TOX: variants seen among roughly 807,000 people sequenced by gnomAD.
The protein encoded by TOX is thymocyte selection-associated high mobility group box protein TOX.
A neutral mutation model predicts 53.7 loss-of-function variants in TOX; 11 were observed. That is an observed-to-expected ratio of 0.20 (90% CI 0.13 to 0.34). TOX has a LOEUF of 0.34. Ranked by LOEUF, TOX falls within the 10% of genes least tolerant of loss-of-function variation. The pLI is 1.00. For synonymous variants in TOX, 225 were observed against 245.3 expected, an observed-to-expected ratio of 0.92 and a Z score of 0.77; for missense variants, 570 against 664.6, an observed-to-expected ratio of 0.86 and a Z score of 1.56.
At chr8:59,069,961 C>G (rs899135240) in intron 1 of TOX, among the ~76,000 whole-genome samples, 2 of 152,154 alleles carry the variant, frequency 1.3e-5, no homozygotes, top group Non-Finnish European at 2.9e-5. Context: ...GTACCCTGAC[C>G]TGTATAGCGC....
At chr8:59,010,929 C>T (rs1813893809) in intron 1 of TOX, among the ~76,000 whole-genome samples, 2 of 152,200 alleles carry the variant, frequency 1.3e-5, no homozygotes, top group Admixed American at 1.3e-4. Context: ...ATCTGCATAG[C>T]TGAATCACAG....
chr8:58,847,385 A>G (rs1009202335), intron 4 of TOX, among the ~76,000 whole-genome samples: 1 of 152,192 alleles, frequency 6.6e-6, no homozygotes, highest in Non-Finnish European at 1.5e-5. Context: ...GAACCAAATG[A>G]AACCAAAAAT....
intron 3 of TOX, among the ~76,000 whole-genome samples, chr8:58,880,520 C>T (rs896986820): frequency 1.3e-5 from 2 of 152,080 alleles, no homozygotes; most frequent in Admixed American, 1.3e-4. Flanking sequence ...ACCAGAGTGG[C>T]GGGCAGCTGA....
chr8:58,868,074 G>A (rs1811132940), intron 3 of TOX, among the ~76,000 whole-genome samples: 1 of 152,124 alleles, frequency 6.6e-6, no homozygotes, highest in African/African-American at 2.4e-5. Flanking sequence ...ATGCAGGCAG[G>A]TCTTTTCTGT....
intron 1 of TOX, among the ~76,000 whole-genome samples, chr8:58,964,349 G>T (rs979693011): frequency 1.3e-5 from 2 of 152,086 alleles, no homozygotes; most frequent in African/African-American, 4.8e-5. Context: ...TTGAAATCTC[G>T]TGGTTGGACA....
intron 2 of TOX, among the ~76,000 whole-genome samples, chr8:58,942,279 C>A (rs1275145211): frequency 2.0e-5 from 3 of 152,108 alleles, no homozygotes; most frequent in Non-Finnish European, 4.4e-5. Flanking sequence ...ATTGGTATCA[C>A]TTTACATTCA....
At chr8:59,056,430 C>CAAA (rs1803889613) in intron 1 of TOX, among the ~76,000 whole-genome samples, 1 of 8,454 alleles carries the variant, frequency 1.2e-4, no homozygotes, top group Non-Finnish European at 2.1e-4. Context: ...AGGCCCTCTC[C>CAAA]GAAAAAAAAA....
At chr8:59,047,203 G>GTTTTTTTTT (rs10551461) in intron 1 of TOX, among the ~76,000 whole-genome samples, 2 of 44,684 alleles carry the variant, frequency 4.5e-5, no homozygotes, top group Non-Finnish European at 8.0e-5. Context: ...ACCAAGAATT[G>GTTTTTTTTT]TTTTTTTTTT....
intron 1 of TOX, among the ~76,000 whole-genome samples, chr8:59,063,248 C>A (rs918436774): frequency 1.3e-5 from 2 of 152,088 alleles, no homozygotes; most frequent in Admixed American, 6.5e-5. Context: ...AGGAGATTTG[C>A]ATGTTAACTG....
At chr8:59,062,860 C>T (rs2129422051) in intron 1 of TOX, among the ~76,000 whole-genome samples, 1 of 152,152 alleles carries the variant, frequency 6.6e-6, no homozygotes, top group East Asian at 1.9e-4. Context: ...GGAAAACAAT[C>T]AGGTCTATCA....
At chr8:58,949,189 G>C (rs1388871644) in intron 2 of TOX, among the ~76,000 whole-genome samples, 2 of 152,180 alleles carry the variant, frequency 1.3e-5, no homozygotes, top group African/African-American at 4.8e-5. Context: ...GTTCAAAGAA[G>C]CAATCAATAA....
chr8:58,879,319 G>A (rs1261111238), intron 3 of TOX, among the ~76,000 whole-genome samples: 4 of 152,196 alleles, frequency 2.6e-5, no homozygotes, highest in Admixed American at 6.5e-5. Context: ...TGGCTAAAAC[G>A]GAATGTCAAT....
At chr8:58,958,833 A>G (rs1443449079) in intron 2 of TOX, among the ~76,000 whole-genome samples, 1 of 152,204 alleles carries the variant, frequency 6.6e-6, no homozygotes, top group Non-Finnish European at 1.5e-5. Flanking sequence ...TTCTAAATGC[A>G]AAGTTCAGGG....
At position 58,986,595 on chromosome 8, in the gene TOX, C is replaced by T. The variant is rs1333608042; in HGVS notation, c.103-26587G>A. Among the ~76,000 whole-genome samples the T allele has an allele frequency of 2.0e-5, 3 of 152,222 alleles. No individual in the cohort carries two copies. In the East Asian group the frequency reaches 5.8e-4, roughly 29 times the overall value. On this transcript the variant is annotated intron_variant, in intron 1 of 8. Transcript: ENST00000361421. ...CAGACATTGAAATGTATATCCAGGG[C>T]CTTTTAGGAATACAAAGTAAAAGCA...
intron 3 of TOX, among the ~76,000 whole-genome samples, chr8:58,936,046 A>G (rs1409028314): frequency 6.6e-6 from 1 of 152,126 alleles, no homozygotes; most frequent in Non-Finnish European, 1.5e-5. Context: ...TGCTATCTAC[A>G]CAGGGTCCTA....
rs992629088 is a variant in TOX, at chr8:58,904,646, T to C, written c.411+34656A>G. ...TAGTTAGTTTTTTACTCTTAAGCAG[T>C]AGCAGCAGGGGCCTGACCATGGTAA... is the stretch of plus-strand genomic sequence containing the variant. On this transcript the variant is annotated intron_variant, in intron 3 of 8. Coordinates refer to ENST00000361421, the MANE Select transcript of TOX (RefSeq NM_014729.3). Among the ~76,000 whole-genome samples, 4 of 152,204 alleles carry C rather than the reference T, an allele frequency of 2.6e-5. No homozygotes were observed. In the South Asian group the frequency reaches 8.3e-4, roughly 32 times the overall value.
At chr8:58,871,172 CAAA>C (rs36036067) in intron 3 of TOX, among the ~76,000 whole-genome samples, 3 of 70,436 alleles carry the variant, frequency 4.3e-5, no homozygotes, top group Admixed American at 1.6e-4. Context: ...AGAAGCCAGT[CAAA>C]AAAAAAAAAA....
chr8:58,815,393 C>G lies in TOX; in HGVS notation c.1337G>C (p.Gly446Ala). The G allele has an allele frequency of 6.2e-7, 1 of 1,613,134 alleles. No individual in the cohort carries two copies. Among genetic ancestry groups the G allele is most frequent in the Non-Finnish European group, 8.5e-7 (1 of 1,179,596 alleles). The change falls in exon 7 of 9, where the codon GGG becomes GCG. Residue 446 changes from glycine (G) to alanine (A), a missense_variant. This residue lies in a region of TOX where 239 missense variants were observed against 250.7 expected (regional missense o/e 0.95). Coordinates refer to ENST00000361421, the MANE Select transcript of TOX (RefSeq NM_014729.3). Reference protein sequence around the residue: ...HQPLTMQQPLGNQLPMQVQSA... With the variant: ...HQPLTMQQPLANQLPMQVQSA... ...CTGGACCTGCATGGGGAGCTGGTTCCCAAGGGGCTGCTGCATGGTGAGCGG... is the reference window on the plus strand; with the variant it reads ...CTGGACCTGCATGGGGAGCTGGTTCGCAAGGGGCTGCTGCATGGTGAGCGG...
intron 1 of TOX, among the ~76,000 whole-genome samples, chr8:59,008,122 T>G (rs1339256773): frequency 6.6e-6 from 1 of 152,248 alleles, no homozygotes; most frequent in African/African-American, 2.4e-5. Flanking sequence ...TTTCATCAAA[T>G]GAAAACAGTT....
Sources: gnomAD v4.1 joint callset for allele counts (sites outside exome capture counted in the v4.1 genomes callset) on GRCh38, gnomAD v4.1.1 for gene constraint, gnomAD v4.1.1 regional missense constraint, MANE v1.5 for transcripts, NCBI Gene and HGNC (gene_info 2026-07-23, HGNC 2026-07-21) for gene names.